CYP1A1: variants seen among roughly 807,000 people sequenced by gnomAD.
CYP1A1 encodes cytochrome P450 1A1.
A neutral mutation model predicts 33.6 loss-of-function variants in CYP1A1; 43 were observed. The observed-to-expected ratio is 1.28, with a 90% CI of 1.00 to 1.65. The LOEUF (loss-of-function observed/expected upper bound fraction) is 1.65. Ranked by LOEUF, CYP1A1 falls within the 40% of genes most tolerant of loss-of-function variation. The probability of loss-of-function intolerance (pLI) is 0.00; values close to 1 mark genes in which losing one functional copy is unlikely to be tolerated. For synonymous variants in CYP1A1, 280 were observed against 257.8 expected (o/e 1.09, Z -0.83); for missense variants, 637 against 653.7 (o/e 0.97, Z 0.28).
At chr15:74,722,069 T>C in intron 2 of CYP1A1, 1 of 604,838 alleles carries the variant, frequency 1.7e-6, no homozygotes, top group South Asian at 2.1e-5. Context: ...GCTATTGCTG[T>C]CTGTGGAAGC....
chr15:74,722,458 G>C lies in CYP1A1; in HGVS notation c.640C>G (p.Leu214Val), dbSNP rs577523247. The C allele has an allele frequency of 2.5e-6, 4 of 1,614,156 alleles. No homozygotes were observed. Among genetic ancestry groups the C allele is most frequent in the African/African-American group, 1.3e-5 (1 of 75,024 alleles). ...GRRYDHNHQE[L>V]LSLVNLNNNF... ...TTATTCAGGTTGACTAGGCTAAGCA[G>C]TTCTTGGTGGTTGTGGTCATAGCGC... The change falls in exon 2 of 7, where the codon CTG becomes GTG. Residue 214 changes from leucine (L) to valine (V), a missense_variant. Leu to Val is a conservative substitution (Grantham distance 32). Transcript: ENST00000379727.
chr15:74,721,300 C>A lies in CYP1A1; in HGVS notation c.1065G>T (p.Arg355=). Residue 355 remains arginine, a synonymous_variant, in exon 5 of 7, where the codon CGG becomes CGT. Transcript: ENST00000379727. ...GGGATCTGTCAGAGAGCCGGGGCCGCCGTGACCTGCCAATCACTGTGTCTG... is the reference window on the plus strand; with the variant it reads ...GGGATCTGTCAGAGAGCCGGGGCCGACGTGACCTGCCAATCACTGTGTCTG... ...EELDTVIGRS[R]RPRLSDRSHL... 1 of 1,613,674 alleles carries A rather than the reference C, an allele frequency of 6.2e-7. No homozygotes were observed. Among genetic ancestry groups the A allele is most frequent in the South Asian group, 1.1e-5 (1 of 91,028 alleles).
At position 74,721,643 on chromosome 15, in the gene CYP1A1, G is replaced by T. The variant is rs147428559; in HGVS notation, c.900C>A (p.Val300=). The T allele has an allele frequency of 7.8e-5, 126 of 1,614,056 alleles. 1 individual carries two copies. In the African/African-American group the frequency reaches 1.5e-3, roughly 20 times the overall value. ...TAATGATCTTCTCATCTGACAGCTG[G>T]ACATTGGCGTTCTCATCCAGCTGCT... is the stretch of plus-strand genomic sequence containing the variant. ...QEKQLDENAN[V]QLSDEKIINI... The change falls in exon 3 of 7, where the codon GTC becomes GTA. Residue 300 remains valine, a synonymous_variant. Transcript: ENST00000379727.
rs1280135151 is a variant in CYP1A1 at position 74,721,196 on chromosome 15, T to C, written c.1166+3A>G. ...AGACAGCAGTGGCTCCATGGGGCCT[T>C]ACCTGTGGGGGATGGTGAAGGGGAC... is the stretch of plus-strand genomic sequence containing the variant. On this transcript the variant is annotated splice_donor_region_variant and intron_variant, in intron 5 of 6. Coordinates refer to ENST00000379727, the MANE Select transcript of CYP1A1 (RefSeq NM_001319217.2). 1.2e-6 allele frequency: 2 copies of C among 1,611,450 alleles called. No homozygotes were observed. The highest frequency in any genetic ancestry group is 1.3e-5 in the African/African-American group (1 of 75,016).
Position 74,722,885 on chromosome 15 carries a change from C to G in CYP1A1, c.213G>C (p.Gly71=). The stretch of plus-strand genomic sequence containing the variant: ...AGCCAATTCGGATCTGCAGCACGTC[C>G]CCATACTGCTGGCTCATCCTTGACA... ...LALSRMSQQY[G]DVLQIRIGST... Residue 71 remains glycine (G), a synonymous_variant, in exon 2 of 7, where the codon GGG becomes GGC. Coordinates refer to ENST00000379727, the MANE Select transcript of CYP1A1 (RefSeq NM_001319217.2). 6.2e-7 allele frequency: 1 copy of G among 1,614,132 alleles called. No individual in the cohort carries two copies. The highest frequency in any genetic ancestry group is 1.1e-5 in the South Asian group (1 of 91,074).
chr15:74,722,617 C>G lies in CYP1A1; in HGVS notation c.481G>C (p.Glu161Gln), dbSNP rs368890165. Residue 161 changes from glutamate to glutamine, a missense_variant, in exon 2 of 7, where the codon GAG becomes CAG. By Grantham distance (29) the Glu-to-Gln change is conservative. Transcript: ENST00000379727. Reference protein sequence around the residue: ...PASSTSCYLEEHVSKEAEVLI... With the variant: ...PASSTSCYLEQHVSKEAEVLI... Reference sequence around the variant, plus strand: ...ACCTCAGCCTCCTTGCTCACATGCTCTTCCAGGTAGCAGGAGGTTGAGGAG... The same window carrying G: ...ACCTCAGCCTCCTTGCTCACATGCTGTTCCAGGTAGCAGGAGGTTGAGGAG... 6.2e-6 allele frequency: 10 copies of G among 1,614,024 alleles called. No homozygotes were observed. In the Admixed American group the frequency reaches 8.3e-5, roughly 13 times the overall value.
In CYP1A1 at chr15:74,719,573, C is replaced by T. The variant is rs1237820127; in HGVS notation, c.*916G>A. The stretch of plus-strand genomic sequence containing the variant: ...TTCTGAACAATATCTTTATTTAGCT[C>T]AGGTAGTTGTTCTTACACATTTTTG... On this transcript the variant is annotated 3_prime_UTR_variant, in exon 7 of 7. Transcript: ENST00000379727. 2 of 151,906 alleles carry T rather than the reference C, an allele frequency of 1.3e-5. No homozygotes were observed. Among genetic ancestry groups the T allele is most frequent in the East Asian group, 3.9e-4 (2 of 5,190 alleles). 9.4% of individuals were successfully genotyped at this position (151,906 alleles called of 1,614,324 possible). A position where few individuals can be genotyped will look rare whatever the true frequency, so the allele number is the denominator to read the frequency against.
In CYP1A1 at chr15:74,722,836, C is replaced by T. The variant is rs77425771; in HGVS notation, c.262G>A (p.Gly88Ser). ...IGSTPVVVLS[G>S]LDTIRQALVR... The stretch of plus-strand genomic sequence containing the variant: ...AGGGCCTGCCGGATGGTGTCCAGGC[C>T]GCTCAGCACCACCACGGGTGTGGAG... Residue 88 changes from glycine (G) to serine (S), a missense_variant, in exon 2 of 7, where the codon GGC (glycine) becomes AGC (serine). By Grantham distance (56) the Gly-to-Ser change is moderately conservative. Coordinates refer to ENST00000379727, the MANE Select transcript of CYP1A1 (RefSeq NM_001319217.2). 34 of 1,613,930 alleles carry T rather than the reference C, an allele frequency of 2.1e-5. No individual in the cohort carries two copies. The Admixed American group carries it at 2.8e-4, about 13-fold the overall frequency.
In CYP1A1 at chr15:74,719,653, TATGCAAGC is replaced by T. The variant is rs1181330775; in HGVS notation, c.*828_*835del. ...ATTAAATCAATGGTTCTTAAGCTCT[TATGCAAGC>T]ATGCAAGCTCAATGCAGGCTAGAAT... On this transcript the variant is annotated 3_prime_UTR_variant, in exon 7 of 7. Transcript: ENST00000379727. The T allele has an allele frequency of 6.6e-6, 1 of 152,228 alleles. No homozygotes were observed. The highest frequency in any genetic ancestry group is 1.5e-5 in the Non-Finnish European group (1 of 68,046). The allele number at this position is 152,228 out of a possible 1,614,324, so 9.4% of individuals were successfully genotyped here. A position where few individuals can be genotyped will look rare whatever the true frequency, so the allele number is the denominator to read the frequency against.
chr15:74,722,248 C>A, intron 2 of CYP1A1, 25 bp downstream of exon 2: 1 of 1,585,126 alleles, frequency 6.3e-7, no homozygotes, highest in Non-Finnish European at 8.6e-7. Flanking sequence ...TTCCCACCAC[C>A]CACCTGCCTT....
In CYP1A1 at chr15:74,722,366, G is replaced by A; in HGVS notation, c.732C>T (p.Pro244=). The A allele has an allele frequency of 1.9e-6, 3 of 1,614,092 alleles. No individual in the cohort carries two copies. The highest frequency in any genetic ancestry group is 2.5e-6 in the Non-Finnish European group (3 of 1,180,010). ...CCTTGAAGGCATTCAGGGAAGGGTT[G>A]GGTAGGTAGCGAAGAATAGGGATGA... ...ADFIPILRYL[P]NPSLNAFKDL... Residue 244 remains proline (P), a synonymous_variant, in exon 2 of 7, where the codon CCC becomes CCT. Coordinates refer to ENST00000379727, the MANE Select transcript of CYP1A1 (RefSeq NM_001319217.2).
chr15:74,720,753 A>G lies in CYP1A1; in HGVS notation c.1275T>C (p.Ser425=). 6.2e-7 allele frequency: 1 copy of G among 1,612,690 alleles called. No individual in the cohort carries two copies. Among genetic ancestry groups the G allele is most frequent in the Non-Finnish European group, 8.5e-7 (1 of 1,179,180 alleles). Residue 425 remains serine, a synonymous_variant, in exon 7 of 7, where the codon TCT becomes TCC. Coordinates refer to ENST00000379727, the MANE Select transcript of CYP1A1 (RefSeq NM_001319217.2). ...NHDQKLWVNP[S]EFLPERFLTP... is the part of the protein sequence containing the mutation. Reference sequence around the variant, plus strand: ...TGAGAAACCGTTCAGGTAGGAACTCAGATGGGTTGACCCATAGCTTCCTGT... The same window carrying G: ...TGAGAAACCGTTCAGGTAGGAACTCGGATGGGTTGACCCATAGCTTCCTGT...
At position 74,723,001 on chromosome 15, in the gene CYP1A1, C is replaced by A; in HGVS notation, c.97G>T (p.Val33Phe). ...GGTGGATTCTTCAGGCCTTTGGGGA[C>A]CTGAGGTCTTGAGGCCCTGATTACC... The part of the protein sequence containing the change: ...FWVIRASRPQ[V>F]PKGLKNPPGP... The change falls in exon 2 of 7, where the codon GTC becomes TTC. Residue 33 changes from valine to phenylalanine, a missense_variant. By Grantham distance (50) the Val-to-Phe change is conservative. Coordinates refer to ENST00000379727, the MANE Select transcript of CYP1A1 (RefSeq NM_001319217.2). 2 of 1,613,974 alleles carry A rather than the reference C, an allele frequency of 1.2e-6. No individual in the cohort carries two copies. Among genetic ancestry groups the A allele is most frequent in the Non-Finnish European group, 1.7e-6 (2 of 1,179,890 alleles).
rs1239783604 is a variant in CYP1A1 at position 74,721,065 on chromosome 15, G to A, written c.1167-12C>T. On this transcript the variant is annotated splice_polypyrimidine_tract_variant and intron_variant, in intron 5 of 6. Transcript: ENST00000379727. ...TGTCTCTTGTTGTGCTAGGGAGAAAGGAAGCTCAGTCAGGCTCAGGGCAAC... is the reference window on the plus strand; with the variant it reads ...TGTCTCTTGTTGTGCTAGGGAGAAAAGAAGCTCAGTCAGGCTCAGGGCAAC... The A allele has an allele frequency of 3.7e-6, 6 of 1,614,036 alleles. No individual in the cohort carries two copies. The highest frequency in any genetic ancestry group is 5.1e-6 in the Non-Finnish European group (6 of 1,179,924).
At chr15:74,724,319 A>C (rs1596350128) in intron 1 of CYP1A1, among the ~76,000 whole-genome samples, 1 of 152,250 alleles carries the variant, frequency 6.6e-6, no homozygotes, top group African/African-American at 2.4e-5. Flanking sequence ...TAAATTCATA[A>C]ACCACTCTCT....
At chr15:74,722,050 T>C (rs2063174481) in intron 2 of CYP1A1, 1 of 597,542 alleles carries the variant, frequency 1.7e-6, no homozygotes, top group Non-Finnish European at 3.0e-6. Context: ...ATGTAATGAC[T>C]CTTCAGTGGC....
chr15:74,720,425 C>T lies in CYP1A1; in HGVS notation c.*64G>A. The stretch of plus-strand genomic sequence containing the variant: ...TGAACCTTAGACCACATAGGCCAGC[C>T]TGCTGGTCTGGCTGCCCAACCAGAC... On this transcript the variant is annotated 3_prime_UTR_variant, in exon 7 of 7. Coordinates refer to ENST00000379727, the MANE Select transcript of CYP1A1 (RefSeq NM_001319217.2). 6.7e-7 allele frequency: 1 copy of T among 1,494,216 alleles called. No individual in the cohort carries two copies. The highest frequency in any genetic ancestry group is 9.0e-7 in the Non-Finnish European group (1 of 1,116,312). 92.6% of individuals were successfully genotyped at this position (1,494,216 alleles called of 1,614,324 possible). A position where few individuals can be genotyped will look rare whatever the true frequency, so the allele number is the denominator to read the frequency against.
At chr15:74,725,094 G>A (rs2063205215) in intron 1 of CYP1A1, 1 of 152,516 alleles carries the variant, frequency 6.6e-6, no homozygotes, top group Non-Finnish European at 1.5e-5. Flanking sequence ...CCTGAGGGAG[G>A]GGCTGCACAT....
Position 74,721,443 on chromosome 15 carries a change from C to T in CYP1A1, c.1013G>A (p.Arg338Lys). Residue 338 changes from arginine to lysine, a missense_variant, in exon 4 of 7, where the codon AGG (arginine) becomes AAG (lysine). Physicochemically the swap from Arg to Lys is conservative, Grantham distance 26. Transcript: ENST00000379727. ...WSLMYLVMNPRVQRKIQEELD... is the reference protein window; with the variant it reads ...WSLMYLVMNPKVQRKIQEELD... Reference sequence around the variant, plus strand: ...CTCCTCTTGGATCTTTCTCTGTACCCTGGGGTTCATCACCAAATACATGAG... The same window carrying T: ...CTCCTCTTGGATCTTTCTCTGTACCTTGGGGTTCATCACCAAATACATGAG... The T allele has an allele frequency of 6.2e-7, 1 of 1,614,164 alleles. No individual in the cohort carries two copies. Among genetic ancestry groups the T allele is most frequent in the East Asian group, 2.2e-5 (1 of 44,884 alleles).
Sources: gnomAD v4.1 joint callset for allele counts (sites outside exome capture counted in the v4.1 genomes callset) on GRCh38, gnomAD v4.1.1 for gene constraint, MANE v1.5 for transcripts, NCBI Gene and HGNC (gene_info 2026-07-23, HGNC 2026-07-21) for gene names.